Variants in DKK2 observed in about 807,000 individuals in gnomAD.
The protein encoded by DKK2 is dickkopf Wnt signaling pathway inhibitor 2, also known as dickkopf-related protein 2.
In DKK2, 11 loss-of-function variants were observed where a neutral mutation model predicts 28.1. The ratio of observed to expected loss-of-function variants is 0.39; its 90% CI spans 0.25 to 0.65. DKK2 has a LOEUF of 0.65. DKK2 is among the 30% of genes least tolerant of loss of function. The pLI, the probability that DKK2 is intolerant of heterozygous loss-of-function variation, is 0.47. For missense variants in DKK2, 326 were observed against 335.5 expected (o/e 0.97, Z 0.22); for synonymous variants, 135 against 126.5 (o/e 1.07, Z -0.45).
chr4:106,965,229 CA>C (rs1722754034), intron 1 of DKK2, among the ~76,000 whole-genome samples: 1 of 152,058 alleles, frequency 6.6e-6, no homozygotes, highest in Non-Finnish European at 1.5e-5. Context: ...TTCAAAGATA[CA>C]AAATTGAAAT....
chr4:106,957,534 A>G (rs1722613329), intron 1 of DKK2, among the ~76,000 whole-genome samples: 1 of 152,008 alleles, frequency 6.6e-6, no homozygotes, highest in Admixed American at 6.6e-5. Flanking sequence ...CTGGATTAAG[A>G]AAATGTGGCA....
chr4:106,961,058 C>T (rs1326768796), intron 1 of DKK2, among the ~76,000 whole-genome samples: 3 of 152,058 alleles, frequency 2.0e-5, no homozygotes, highest in Non-Finnish European at 4.4e-5. Flanking sequence ...TCTCTTTCTG[C>T]AAGTTAATAC....
intron 1 of DKK2, among the ~76,000 whole-genome samples, chr4:106,950,329 A>G (rs1438992256): frequency 6.6e-6 from 1 of 152,036 alleles, no homozygotes; most frequent in Non-Finnish European, 1.5e-5. Flanking sequence ...TCTATCTTCA[A>G]AGTGTTTTTA....
intron 1 of DKK2, among the ~76,000 whole-genome samples, chr4:106,979,917 C>T (rs1723001016): frequency 6.6e-6 from 1 of 152,288 alleles, no homozygotes; most frequent in African/African-American, 2.4e-5. Context: ...CATAAGGGGG[C>T]AATTCATAAT....
Position 106,924,027 on chromosome 4 carries a change from C to G in DKK2, c.707G>C (p.Gly236Ala). Residue 236 changes from glycine to alanine, a missense_variant, in exon 4 of 4, where the codon GGC (glycine) becomes GCC (alanine). By Grantham distance (60) the Gly-to-Ala change is moderately conservative (BLOSUM62 0). Transcript: ENST00000285311. ...EIFQRCDCAK[G>A]LSCKVWKDAT... The stretch of plus-strand genomic sequence containing the variant: ...ATCTTTCCATACTTTGCAAGACAGG[C>G]CCTTCGCACAGTCGCAACGCTGGAA... The G allele has an allele frequency of 6.2e-7, 1 of 1,613,952 alleles. No individual in the cohort carries two copies. Among genetic ancestry groups the G allele is most frequent in the Non-Finnish European group, 8.5e-7 (1 of 1,179,932 alleles).
intron 1 of DKK2, among the ~76,000 whole-genome samples, chr4:106,952,490 A>C (rs1426678237): frequency 1.3e-5 from 2 of 152,184 alleles, no homozygotes; most frequent in East Asian, 3.8e-4. Context: ...AAGGTTAAGA[A>C]TCTTCACTGT....
At chr4:106,961,565 GCACACACACACACA>G (rs34597899) in intron 1 of DKK2, among the ~76,000 whole-genome samples, 1 of 136,242 alleles carries the variant, frequency 7.3e-6, no homozygotes, top group East Asian at 2.2e-4. Context: ...CCAACAGCCT[GCACACACACACACA>G]CACACACACA....
intron 1 of DKK2, among the ~76,000 whole-genome samples, chr4:106,954,482 T>C (rs921730433): frequency 1.3e-5 from 2 of 152,222 alleles, no homozygotes; most frequent in African/African-American, 4.8e-5. Context: ...TCCATTATTT[T>C]AAATGACATC....
chr4:106,992,007 A>G (rs182870166), intron 1 of DKK2, among the ~76,000 whole-genome samples: 6 of 152,312 alleles, frequency 3.9e-5, no homozygotes, highest in Non-Finnish European at 8.8e-5. Context: ...GAATCCAGAA[A>G]GGTGATTAGA....
At chr4:107,006,973 A>C (rs1723446216) in intron 1 of DKK2, among the ~76,000 whole-genome samples, 1 of 152,074 alleles carries the variant, frequency 6.6e-6, no homozygotes, top group Non-Finnish European at 1.5e-5. Flanking sequence ...CGATAGACTC[A>C]GAACACTTTT....
At chr4:106,944,384 C>A (rs1377503404) in intron 1 of DKK2, among the ~76,000 whole-genome samples, 4 of 152,076 alleles carry the variant, frequency 2.6e-5, no homozygotes, top group Non-Finnish European at 5.9e-5. Context: ...AGGTATTGAA[C>A]CAAATTCATT....
At chr4:106,979,605 G>A (rs561411584) in intron 1 of DKK2, among the ~76,000 whole-genome samples, 4 of 152,188 alleles carry the variant, frequency 2.6e-5, no homozygotes, top group Admixed American at 2.6e-4. Flanking sequence ...GCTACTCCAT[G>A]GTAAATTACA....
chr4:107,034,609 G>C lies in DKK2; in HGVS notation c.222+761C>G, dbSNP rs1443993614. Among the ~76,000 whole-genome samples the C allele has an allele frequency of 2.0e-5, 3 of 152,150 alleles. No individual in the cohort carries two copies. The South Asian group carries it at 6.2e-4, about 32-fold the overall frequency. On this transcript the variant is annotated intron_variant, in intron 1 of 3. Coordinates refer to ENST00000285311, the MANE Select transcript of DKK2 (RefSeq NM_014421.3). ...GCCTTCAGTGTCCTGCTGTATCGCT[G>C]GCGCCTACGACGCTGTCATTGTCAT...
chr4:106,941,561 G>T (rs1283868910), intron 1 of DKK2, among the ~76,000 whole-genome samples: 1 of 152,094 alleles, frequency 6.6e-6, no homozygotes, highest in Non-Finnish European at 1.5e-5. Flanking sequence ...GGACTGTTCA[G>T]TTGTCAAGGC....
chr4:107,013,688 A>G (rs990790712), intron 1 of DKK2, among the ~76,000 whole-genome samples: 8 of 151,520 alleles, frequency 5.3e-5, no homozygotes, highest in Non-Finnish European at 8.9e-5. Flanking sequence ...AAATAGACAC[A>G]TGGGATTGCA....
At chr4:107,018,901 T>G (rs1490005606) in intron 1 of DKK2, among the ~76,000 whole-genome samples, 1 of 152,092 alleles carries the variant, frequency 6.6e-6, no homozygotes, top group Non-Finnish European at 1.5e-5. Flanking sequence ...CCAACTATCT[T>G]TAAGTCCTGG....
chr4:106,952,829 C>G (rs1052068792), intron 1 of DKK2, among the ~76,000 whole-genome samples: 3 of 152,140 alleles, frequency 2.0e-5, no homozygotes, highest in Non-Finnish European at 4.4e-5. Context: ...AGAGGCTGAA[C>G]TGGGAATCAG....
intron 1 of DKK2, among the ~76,000 whole-genome samples, chr4:107,009,145 T>C (rs567079175): frequency 2.6e-5 from 4 of 152,022 alleles, no homozygotes; most frequent in South Asian, 2.1e-4. Flanking sequence ...ACAGGCATTA[T>C]AGATTACCTA....
At chr4:107,007,670 G>A (rs994736788) in intron 1 of DKK2, among the ~76,000 whole-genome samples, 2 of 151,980 alleles carry the variant, frequency 1.3e-5, no homozygotes, top group Non-Finnish European at 2.9e-5. Context: ...GAAGTGCAGT[G>A]GATATCAGTG....
Sources: gnomAD v4.1 joint callset for allele counts (sites outside exome capture counted in the v4.1 genomes callset) on GRCh38, gnomAD v4.1.1 for gene constraint, MANE v1.5 for transcripts, NCBI Gene and HGNC (gene_info 2026-07-23, HGNC 2026-07-21) for gene names.